Variants in AFG3L2 observed in about 807,000 individuals in gnomAD.
AFG3L2 encodes the protein mitochondrial inner membrane m-AAA protease component AFG3L2.
Under a neutral mutation model 94.5 loss-of-function variants are expected in AFG3L2, and 54 were observed. The ratio of observed to expected loss-of-function variants is 0.57; its 90% CI spans 0.46 to 0.72. The LOEUF (loss-of-function observed/expected upper bound fraction) is 0.72, where lower values mean the gene tolerates loss of function less well. AFG3L2 is among the 30% of genes least tolerant of loss of function. The pLI is 0.00. For synonymous variants in AFG3L2, 377 were observed against 365.5 expected, an observed-to-expected ratio of 1.03 and a Z score of -0.36; for missense variants, 754 against 994.9, an observed-to-expected ratio of 0.76 and a Z score of 3.26.
In AFG3L2 at chr18:12,345,758, G is replaced by A. The variant is rs532244001; in HGVS notation, c.1664-1511C>T. Among the ~76,000 whole-genome samples the A allele has an allele frequency of 9.6e-4, 146 of 152,216 alleles. 1 individual carries two copies. Among genetic ancestry groups the A allele is most frequent in the African/African-American group, 3.4e-3 (142 of 41,550 alleles). On this transcript the variant is annotated intron_variant, in intron 13 of 16. Transcript: ENST00000269143. ...TCACTTCTCCTTAACCTAAAAAAAAGGCATAAATACACAGTTTTCACCTGT... is the reference window on the plus strand; with the variant it reads ...TCACTTCTCCTTAACCTAAAAAAAAAGCATAAATACACAGTTTTCACCTGT...
chr18:12,356,507 G>A (rs371382097), intron 9 of AFG3L2, among the ~76,000 whole-genome samples, 187 bp downstream of exon 9: 1 of 152,202 alleles, frequency 6.6e-6, no homozygotes, highest in East Asian at 1.9e-4. Flanking sequence ...TAGCTGGTGC[G>A]AGGGAAGGTG....
At chr18:12,355,254 C>T (rs1054139016) in intron 9 of AFG3L2, among the ~76,000 whole-genome samples, 3 of 150,688 alleles carry the variant, frequency 2.0e-5, no homozygotes, top group African/African-American at 4.9e-5. Context: ...CCAAAAAAAC[C>T]CAATTAAAAA....
At chr18:12,370,156 A>G (rs1042363269) in intron 3 of AFG3L2, among the ~76,000 whole-genome samples, 6 of 152,044 alleles carry the variant, frequency 3.9e-5, no homozygotes, top group Non-Finnish European at 5.9e-5. Context: ...GTCTCTCCGA[A>G]TCCCTAAGGT....
chr18:12,332,083 A>AAATT (rs1449377394), intron 16 of AFG3L2, among the ~76,000 whole-genome samples: 22 of 152,004 alleles, frequency 1.4e-4, no homozygotes, highest in Non-Finnish European at 2.4e-4. Flanking sequence ...AGTGTAAAGA[A>AAATT]AATTAAGCAG....
chr18:12,376,861 C>A (rs113749933), intron 1 of AFG3L2, 108 bp downstream of exon 1: 1 of 871,018 alleles, frequency 1.1e-6, no homozygotes, highest in East Asian at 3.5e-5. Context: ...CAGGGACGGC[C>A]CGCGTGCGGC....
At chr18:12,353,702 A>G (rs1908396240) in intron 9 of AFG3L2, among the ~76,000 whole-genome samples, 1 of 152,152 alleles carries the variant, frequency 6.6e-6, no homozygotes, top group Non-Finnish European at 1.5e-5. Flanking sequence ...GATCCCATAA[A>G]TTACTGTATA....
chr18:12,351,511 C>CA (rs1373633217), intron 10 of AFG3L2, 98 bp from the exon 11 acceptor site: 2 of 993,360 alleles, frequency 2.0e-6, no homozygotes, highest in Non-Finnish European at 3.2e-6. Flanking sequence ...TTCATAGCTA[C>CA]AGTAAACACA....
At chr18:12,376,373 G>A (rs1417215818) in intron 1 of AFG3L2, among the ~76,000 whole-genome samples, 1 of 152,182 alleles carries the variant, frequency 6.6e-6, no homozygotes, top group South Asian at 2.1e-4. Context: ...ATCAGGTCCC[G>A]TGTGTGTATC....
At chr18:12,330,150 C>T (rs374321679) in intron 16 of AFG3L2, among the ~76,000 whole-genome samples, 65 of 152,010 alleles carry the variant, frequency 4.3e-4, no homozygotes, top group African/African-American at 1.5e-3. Context: ...CAGGGTGAAA[C>T]CGTGTCTCTA....
chr18:12,371,853 A>T (rs1909002208), intron 1 of AFG3L2, among the ~76,000 whole-genome samples, 162 bp from the exon 2 acceptor site: 1 of 152,234 alleles, frequency 6.6e-6, no homozygotes, highest in African/African-American at 2.4e-5. Flanking sequence ...ATTACCTAGC[A>T]CTAGGCCACT....
At chr18:12,363,157 G>T (rs879499283) in intron 6 of AFG3L2, among the ~76,000 whole-genome samples, 10 of 152,120 alleles carry the variant, frequency 6.6e-5, no homozygotes, top group Non-Finnish European at 1.2e-4. Context: ...AGGCGGGATG[G>T]CTAGAAAATG....
intron 7 of AFG3L2, 60 bp from the exon 8 acceptor site, chr18:12,359,003 T>C: frequency 6.4e-7 from 1 of 1,558,220 alleles, no homozygotes; most frequent in South Asian, 1.2e-5. Flanking sequence ...CTTTCACATG[T>C]GGTGCAAGAT....
At chr18:12,369,377 C>A (rs1284402839) in intron 3 of AFG3L2, among the ~76,000 whole-genome samples, 1 of 152,172 alleles carries the variant, frequency 6.6e-6, no homozygotes, top group Non-Finnish European at 1.5e-5. Flanking sequence ...GCTCTTACTC[C>A]TTTGCATTCT....
intron 16 of AFG3L2, among the ~76,000 whole-genome samples, chr18:12,331,055 C>G (rs1368841613): frequency 6.6e-6 from 1 of 152,226 alleles, no homozygotes; most frequent in Non-Finnish European, 1.5e-5. Context: ...ACGTTTCAGT[C>G]AATGATGGGC....
intron 16 of AFG3L2, among the ~76,000 whole-genome samples, chr18:12,331,761 T>A (rs1019430687): frequency 1.9e-5 from 2 of 107,938 alleles, no homozygotes; most frequent in Non-Finnish European, 4.2e-5. Flanking sequence ...GGCACTGCAC[T>A]CCAGCCTGGG....
At chr18:12,357,919 G>C (rs1379473720) in intron 8 of AFG3L2, among the ~76,000 whole-genome samples, 1 of 152,156 alleles carries the variant, frequency 6.6e-6, no homozygotes, top group Non-Finnish European at 1.5e-5. Context: ...ATTATATTAA[G>C]TTGTAGAGAC....
rs187556479 is a variant in AFG3L2, at chr18:12,337,025, C to T, written c.2175+316G>A. 148 of 526,430 alleles carry T rather than the reference C, an allele frequency of 2.8e-4. 1 individual carries two copies. The highest frequency in any genetic ancestry group is 2.7e-3 in the African/African-American group (144 of 53,186). The allele number at this position is 526,430 out of a possible 1,614,324, so 32.6% of individuals were successfully genotyped here. On this transcript the variant is annotated intron_variant, in intron 16 of 16. Transcript: ENST00000269143. ...AATGGTAAACCAGGCAATCATGCTT[C>T]TCATTAGGAGTACTGTGAACTATCT...
At chr18:12,375,915 G>A (rs1041148745) in intron 1 of AFG3L2, among the ~76,000 whole-genome samples, 3 of 152,136 alleles carry the variant, frequency 2.0e-5, no homozygotes, top group African/African-American at 7.2e-5. Context: ...CTTGAGTTTG[G>A]GGCTGCAGTG....
intron 12 of AFG3L2, 138 bp downstream of exon 12, chr18:12,350,947 A>C: frequency 8.9e-7 from 1 of 1,118,558 alleles, no homozygotes. Flanking sequence ...ACCCTGTCTC[A>C]AAAAAAATAA....
Sources: gnomAD v4.1 joint callset for allele counts (sites outside exome capture counted in the v4.1 genomes callset) on GRCh38, gnomAD v4.1.1 for gene constraint, MANE v1.5 for transcripts, NCBI Gene and HGNC (gene_info 2026-07-23, HGNC 2026-07-21) for gene names.